The following ARSL variants were observed in gnomAD, a reference collection of about 807,000 sequenced individuals.
ARSL encodes arylsulfatase L.
A neutral mutation model predicts 31.1 loss-of-function variants in ARSL; 4 were observed. That is an observed-to-expected ratio of 0.13 (90% CI 0.06 to 0.29). The LOEUF (loss-of-function observed/expected upper bound fraction) is 0.29. ARSL is among the 10% of genes least tolerant of loss of function. ARSL has a pLI of 1.00. For missense variants in ARSL, 312 were observed against 497.8 expected, an observed-to-expected ratio of 0.63 and a Z score of 3.55; for synonymous variants, 198 against 209.9, an observed-to-expected ratio of 0.94 and a Z score of 0.49.
chrX:2,954,134 C>T (rs1478648804), intron 4 of ARSL, among the ~76,000 whole-genome samples: 1 of 111,231 alleles, frequency 9.0e-6, no homozygotes, highest in Non-Finnish European at 1.9e-5. Flanking sequence ...GCCTGGTTAT[C>T]ACCCCAGGGG....
rs2089173104 is a variant in ARSL, at chrX:2,934,815, C to A, written c.*17G>T. On this transcript the variant is annotated 3_prime_UTR_variant, in exon 11 of 11. Transcript: ENST00000381134. Reference sequence around the variant, plus strand: ...CAAAATTTAGGAATCGGGGCTCCAGCTTTTCACTGCAGACATTTATTGTGG... The same window carrying A: ...CAAAATTTAGGAATCGGGGCTCCAGATTTTCACTGCAGACATTTATTGTGG... 1 of 1,184,194 alleles carries A rather than the reference C, an allele frequency of 8.4e-7. No individual in the cohort carries two copies. The highest frequency in any genetic ancestry group is 1.1e-6 in the Non-Finnish European group (1 of 877,546).
In ARSL at chrX:2,943,191, G is replaced by C. The variant is rs777014199; in HGVS notation, c.1000C>G (p.Leu334Val). Reference protein sequence around the residue: ...EEMDWMVGRILDTLDVEGLSN... With the variant: ...EEMDWMVGRIVDTLDVEGLSN... ...AAACCCTCCACGTCCAAAGTGTCAA[G>C]GATCCGTCCTGCAAAGAACAGATGT... Residue 334 changes from leucine (L) to valine (V), a missense_variant, in exon 8 of 11, where the codon CTT becomes GTT. By Grantham distance (32) the Leu-to-Val change is conservative. Transcript: ENST00000381134. The C allele has an allele frequency of 8.3e-7, 1 of 1,210,906 alleles. No homozygotes were observed. Among genetic ancestry groups the C allele is most frequent in the Admixed American group, 2.2e-5 (1 of 46,002 alleles).
rs377421279 is a variant in ARSL, at chrX:2,959,933, AAGAG to A, written c.23+441_23+444del. 337 of 248,772 alleles carry A rather than the reference AAGAG, an allele frequency of 1.4e-3. 1 individual carries two copies. Among genetic ancestry groups the A allele is most frequent in the Middle Eastern group, 8.0e-3 (7 of 872 alleles). 20.5% of individuals were successfully genotyped at this position (248,772 alleles called of 1,213,427 possible). On this transcript the variant is annotated intron_variant, in intron 2 of 10. Transcript: ENST00000381134. Reference sequence around the variant, plus strand: ...AAATAAAGAAGGGAAGGAAGGAAGAAAGAGAGAGAGAAAGAAAGAAAGAAAGAAA... The same window carrying A: ...AAATAAAGAAGGGAAGGAAGGAAGAAAGAGAGAAAGAAAGAAAGAAAGAAA...
At chrX:2,954,813 C>T (rs748986963) in intron 4 of ARSL, among the ~76,000 whole-genome samples, 51 of 111,285 alleles carry the variant, frequency 4.6e-4, no homozygotes, top group African/African-American at 1.5e-3. Context: ...GGTCAGGAGG[C>T]AGAGGGAGTG....
chrX:2,944,188 G>T (rs936261276), intron 7 of ARSL, among the ~76,000 whole-genome samples: 1 of 109,079 alleles, frequency 9.2e-6, no homozygotes, highest in East Asian at 2.9e-4. Flanking sequence ...AGGCGCAGTG[G>T]CTCATCCCTG....
chrX:2,964,089 G>A lies in ARSL; in HGVS notation c.-21+135C>T, dbSNP rs553394127. The A allele has an allele frequency of 3.5e-4, 234 of 670,088 alleles. 1 individual carries two copies. In the South Asian group the frequency reaches 0.011, roughly 31 times the overall value. The allele number at this position is 670,088 out of a possible 1,213,427, so 55.2% of individuals were successfully genotyped here. A position where few individuals can be genotyped will look rare whatever the true frequency, so the allele number is the denominator to read the frequency against. On this transcript the variant is annotated intron_variant, in intron 1 of 10. Transcript: ENST00000381134. Reference sequence around the variant, plus strand: ...TCCTAGGCCTGTAAGTCACGGGTACGTTTCTGCTTTATCAAAACAAACTGG... The same window carrying A: ...TCCTAGGCCTGTAAGTCACGGGTACATTTCTGCTTTATCAAAACAAACTGG...
intron 8 of ARSL, among the ~76,000 whole-genome samples, chrX:2,941,342 C>T (rs1367417738): frequency 9.3e-6 from 1 of 107,371 alleles, no homozygotes; most frequent in Non-Finnish European, 1.9e-5. Context: ...GCAACCTCCG[C>T]CTCCCAGGTT....
intron 1 of ARSL, 76 bp downstream of exon 1, chrX:2,964,148 G>A: frequency 1.3e-6 from 1 of 752,399 alleles, no homozygotes; most frequent in Non-Finnish European, 1.6e-6. Flanking sequence ...GGAACGGGGA[G>A]CTCTTTGTTC....
chrX:2,963,533 CTTTTTTTTTTTTTTT>C (rs769134287), intron 1 of ARSL, among the ~76,000 whole-genome samples: 1 of 59,805 alleles, frequency 1.7e-5, no homozygotes, highest in Non-Finnish European at 2.9e-5. Flanking sequence ...TTTTCTTTTC[CTTTTTTTTTTTTTTT>C]TTTTTTTTTT....
intron 9 of ARSL, 125 bp from the exon 10 acceptor site, chrX:2,936,988 G>A: frequency 2.1e-6 from 2 of 970,845 alleles, no homozygotes; most frequent in Admixed American, 2.5e-5. Flanking sequence ...TGGAGGGAAA[G>A]TCTGGGTGTG....
chrX:2,954,364 C>T (rs184062220), intron 4 of ARSL, among the ~76,000 whole-genome samples: 232 of 111,964 alleles, frequency 2.1e-3, no homozygotes, highest in Middle Eastern at 0.014. Flanking sequence ...GGCGCCATCT[C>T]GGCTCACTGC....
At chrX:2,958,643 T>G (rs1473254244) in intron 2 of ARSL, among the ~76,000 whole-genome samples, 2 of 111,588 alleles carry the variant, frequency 1.8e-5, no homozygotes, top group African/African-American at 3.3e-5. Flanking sequence ...GTTTTTTGGG[T>G]TTTTTTTGAT....
intron 2 of ARSL, chrX:2,959,902 G>T: frequency 1.7e-5 from 4 of 228,903 alleles, no homozygotes; most frequent in Middle Eastern, 1.2e-3. Context: ...TATAAGAAAG[G>T]AAAAAAAATA....
At chrX:2,959,792 A>C in intron 2 of ARSL, 280 of 1,018,566 alleles carry the variant, frequency 2.7e-4, no homozygotes, top group Non-Finnish European at 3.2e-4. Flanking sequence ...GTGGTGGCTC[A>C]TGCCCATTAT....
intron 6 of ARSL, 107 bp downstream of exon 6, chrX:2,949,197 C>A: frequency 1.2e-5 from 12 of 1,032,968 alleles, no homozygotes; most frequent in Non-Finnish European, 1.6e-5. Context: ...TCCAAAAGCA[C>A]TGGGATTACA....
intron 1 of ARSL, among the ~76,000 whole-genome samples, chrX:2,963,146 G>GT (rs2089661430): frequency 8.9e-6 from 1 of 111,931 alleles, no homozygotes; most frequent in Admixed American, 9.5e-5. Flanking sequence ...TGCTCGTGAG[G>GT]TTTTTTTGTT....
intron 10 of ARSL, among the ~76,000 whole-genome samples, chrX:2,935,763 C>T (rs1485096461): frequency 2.8e-5 from 3 of 107,033 alleles, no homozygotes; most frequent in Admixed American, 1.0e-4. Flanking sequence ...GTGCAACCTC[C>T]GCCTCCTGGG....
chrX:2,951,568 GA>G (rs1438217072), intron 5 of ARSL, among the ~76,000 whole-genome samples: 1 of 92,153 alleles, frequency 1.1e-5, no homozygotes, highest in Non-Finnish European at 2.1e-5. Context: ...TTGTGCCCAG[GA>G]TTGCTGGAGA....
chrX:2,939,087 T>C (rs1472344062), intron 8 of ARSL, among the ~76,000 whole-genome samples: 1 of 112,331 alleles, frequency 8.9e-6, no homozygotes, highest in African/African-American at 3.2e-5. Flanking sequence ...ATTCTGTGAA[T>C]GGGACCTTAT....
Sources: gnomAD v4.1 joint callset for allele counts (sites outside exome capture counted in the v4.1 genomes callset) on GRCh38, gnomAD v4.1.1 for gene constraint, MANE v1.5 for transcripts, NCBI Gene and HGNC (gene_info 2026-07-23, HGNC 2026-07-21) for gene names.